The following RPS6KC1 variants were observed in gnomAD, a reference collection of about 807,000 sequenced individuals.
The protein encoded by RPS6KC1 is inactive ribosomal protein S6 kinase delta-1.
RPS6KC1 carries 54 observed loss-of-function variants against 103.8 expected under a neutral mutation model. That is an observed-to-expected ratio of 0.52 (90% CI 0.42 to 0.65). The LOEUF (loss-of-function observed/expected upper bound fraction) is 0.65, where lower values mean the gene tolerates loss of function less well. Ranked by LOEUF, RPS6KC1 falls within the 30% of genes least tolerant of loss-of-function variation. RPS6KC1 has a pLI of 0.00. For missense variants in RPS6KC1, 1,151 were observed against 1,253.8 expected (o/e 0.92, Z 1.24); for synonymous variants, 439 against 438.7 (o/e 1.00, Z -0.01).
chr1:213,129,714 G>A lies in RPS6KC1; in HGVS notation c.660G>A (p.Arg220=). 1 of 1,614,058 alleles carries A rather than the reference G, an allele frequency of 6.2e-7. No homozygotes were observed. The highest frequency in any genetic ancestry group is 8.5e-7 in the Non-Finnish European group (1 of 1,179,976). The change falls in exon 6 of 15, where the codon CGG becomes CGA. Residue 220 remains arginine (R), a synonymous_variant. Transcript: ENST00000366960. The part of the protein sequence containing the change: ...DSEQSKTEEE[R]ESRSLFPGSL... Reference sequence around the variant, plus strand: ...AACAGAGCAAAACAGAAGAAGAACGGGAAAGTCGTAGCCTCTTTCCTGGCA... The same window carrying A: ...AACAGAGCAAAACAGAAGAAGAACGAGAAAGTCGTAGCCTCTTTCCTGGCA...
the RPS6KC1 span, among the ~76,000 whole-genome samples, chr1:213,341,199 C>A: frequency 2.6e-5 from 4 of 152,222 alleles, no homozygotes; most frequent in Non-Finnish European, 5.9e-5. Context: ...ATCTTCACGG[C>A]TCTCAGACAC....
At chr1:213,128,146 C>T (rs1052810090) in intron 5 of RPS6KC1, among the ~76,000 whole-genome samples, 2 of 152,132 alleles carry the variant, frequency 1.3e-5, no homozygotes, top group African/African-American at 4.8e-5. Context: ...TATCTTTCAT[C>T]CAAAACAACA....
chr1:213,721,100 C>A, the RPS6KC1 span, among the ~76,000 whole-genome samples: 2 of 152,120 alleles, frequency 1.3e-5, no homozygotes, highest in East Asian at 3.9e-4. Flanking sequence ...ATTAAAAAGT[C>A]AATCCCTATC....
chr1:213,489,089 G>A, the RPS6KC1 span, among the ~76,000 whole-genome samples: 1 of 152,170 alleles, frequency 6.6e-6, no homozygotes, highest in Non-Finnish European at 1.5e-5. Flanking sequence ...TAGTCGGGGA[G>A]CTGGAACATA....
At chr1:213,065,132 G>A (rs1285832464) in intron 1 of RPS6KC1, among the ~76,000 whole-genome samples, 2 of 151,042 alleles carry the variant, frequency 1.3e-5, no homozygotes, top group Admixed American at 6.6e-5. Flanking sequence ...GTCTGCTACC[G>A]TGCCTGGCTA....
the RPS6KC1 span, among the ~76,000 whole-genome samples, chr1:213,430,837 A>G: frequency 6.6e-6 from 1 of 152,250 alleles, no homozygotes; most frequent in South Asian, 2.1e-4. Flanking sequence ...TCTTGGCCAT[A>G]TGCACACATT....
rs1342186081 is a variant in RPS6KC1, at chr1:213,070,927, C to T, written c.106-79C>T. The T allele has an allele frequency of 1.6e-5, 14 of 856,024 alleles. No individual in the cohort carries two copies. The East Asian group carries it at 3.6e-4, about 22-fold the overall frequency. The allele number at this position is 856,024 out of a possible 1,614,324, so 53.0% of individuals were successfully genotyped here. A position where few individuals can be genotyped will look rare whatever the true frequency, so the allele number is the denominator to read the frequency against. On this transcript the variant is annotated intron_variant, in intron 1 of 14. Transcript: ENST00000366960. ...GCAAATTGAATTTTTCATACAAATA[C>T]TATTGGAAGTTAATTATACAAATAT...
chr1:213,502,903 T>C, the RPS6KC1 span, among the ~76,000 whole-genome samples: 2 of 150,036 alleles, frequency 1.3e-5, no homozygotes, highest in African/African-American at 4.8e-5. Flanking sequence ...TAATAAAAAG[T>C]ATGGGTTGAA....
At chr1:213,055,314 A>G (rs1049499030) in intron 1 of RPS6KC1, among the ~76,000 whole-genome samples, 1 of 151,752 alleles carries the variant, frequency 6.6e-6, no homozygotes. Context: ...AAGGAATCAT[A>G]TAGTATGCAC....
At chr1:213,730,876 G>A in the RPS6KC1 span, among the ~76,000 whole-genome samples, 1 of 152,126 alleles carries the variant, frequency 6.6e-6, no homozygotes, top group African/African-American at 2.4e-5. Flanking sequence ...ATATTGCCTA[G>A]GTTGTTTTCC....
At chr1:213,447,999 G>A in the RPS6KC1 span, among the ~76,000 whole-genome samples, 12 of 152,122 alleles carry the variant, frequency 7.9e-5, no homozygotes, top group African/African-American at 2.9e-4. Flanking sequence ...GGGAAGCTGA[G>A]GCAGGAGGAG....
At chr1:213,605,750 G>A in the RPS6KC1 span, among the ~76,000 whole-genome samples, 1 of 152,234 alleles carries the variant, frequency 6.6e-6, no homozygotes, top group Admixed American at 6.5e-5. Context: ...GGTTGGAGGA[G>A]CTGGAAGCAA....
At chr1:213,401,045 A>G in the RPS6KC1 span, among the ~76,000 whole-genome samples, 1 of 151,928 alleles carries the variant, frequency 6.6e-6, no homozygotes, top group African/African-American at 2.4e-5. Context: ...CAAAATAACA[A>G]CTTAACAGAC....
At chr1:213,247,415 G>A (rs2094471158) in intron 12 of RPS6KC1, among the ~76,000 whole-genome samples, 1 of 152,084 alleles carries the variant, frequency 6.6e-6, no homozygotes, top group Admixed American at 6.6e-5. Context: ...ATATATTTTG[G>A]GGAATAGTTT....
At chr1:213,835,882 G>A in the RPS6KC1 span, 3 of 152,168 alleles carry the variant, frequency 2.0e-5, no homozygotes, top group East Asian at 5.8e-4. Context: ...ATAAGTGTGG[G>A]TGTGTGTGTC....
chr1:213,424,373 TG>T, the RPS6KC1 span, among the ~76,000 whole-genome samples: 8 of 152,236 alleles, frequency 5.3e-5, no homozygotes, highest in African/African-American at 1.4e-4. Flanking sequence ...TCTACACACA[TG>T]AAAAAAAAGT....
At chr1:213,436,796 T>G in the RPS6KC1 span, among the ~76,000 whole-genome samples, 7 of 152,190 alleles carry the variant, frequency 4.6e-5, no homozygotes, top group African/African-American at 1.7e-4. Context: ...TTTTCAAAAT[T>G]TCATTTTCTA....
intron 12 of RPS6KC1, among the ~76,000 whole-genome samples, chr1:213,260,998 C>T (rs1277207366): frequency 6.6e-6 from 1 of 152,168 alleles, no homozygotes; most frequent in Non-Finnish European, 1.5e-5. Flanking sequence ...ATTTGCATTT[C>T]ACATGCTCCT....
the RPS6KC1 span, among the ~76,000 whole-genome samples, chr1:213,353,763 A>C: frequency 6.6e-6 from 1 of 152,260 alleles, no homozygotes; most frequent in African/African-American, 2.4e-5. Context: ...AAGATAAGAC[A>C]CAATTGCAAG....
Sources: allele counts gnomAD v4.1 joint callset (sites outside exome capture counted in the v4.1 genomes callset), GRCh38; gene constraint gnomAD v4.1.1; transcripts MANE v1.5; gene names NCBI Gene and HGNC (gene_info 2026-07-23, HGNC 2026-07-21).